NOL4: variants seen among roughly 807,000 people sequenced by gnomAD.
NOL4 encodes the protein nucleolar protein 4, also known as cancer/testis antigen 125.
A neutral mutation model predicts 75.9 loss-of-function variants in NOL4; 17 were observed. The ratio of observed to expected loss-of-function variants is 0.22; its 90% CI spans 0.15 to 0.34. The LOEUF (loss-of-function observed/expected upper bound fraction) is 0.34, where lower values mean the gene tolerates loss of function less well. NOL4 is among the 10% of genes least tolerant of loss of function. NOL4 has a pLI of 1.00. For missense variants in NOL4, 614 were observed against 793.5 expected (o/e 0.77, Z 2.72); for synonymous variants, 292 against 289.9 (o/e 1.01, Z -0.07).
rs565371651 is a variant in NOL4 at position 34,155,678 on chromosome 18, A to G, written c.265-25658T>C. ...TAAATATAGAAAAGGTATGTAAAATATAGTATTATCATCTTATGAGACCAT... is the reference window on the plus strand; with the variant it reads ...TAAATATAGAAAAGGTATGTAAAATGTAGTATTATCATCTTATGAGACCAT... On this transcript the variant is annotated intron_variant, in intron 1 of 10. Transcript: ENST00000261592. 1.6e-3 allele frequency among the ~76,000 whole-genome samples: 244 copies of G among 152,174 alleles called. 2 individuals are homozygous for G. Among genetic ancestry groups the G allele is most frequent in the African/African-American group, 5.7e-3 (237 of 41,534 alleles).
intron 1 of NOL4, among the ~76,000 whole-genome samples, chr18:34,138,034 G>A (rs919605904): frequency 6.6e-6 from 1 of 152,070 alleles, no homozygotes; most frequent in Non-Finnish European, 1.5e-5. Flanking sequence ...AAGACATTAA[G>A]TTTCATGAAA....
At position 33,924,244 on chromosome 18, in the gene NOL4, C is replaced by A. The variant is rs570273928; in HGVS notation, c.1542+18821G>T. ...ATTGCTTTGTCAAAACTAATAGCTGCCTTCTTTTTCTCAGAACAGTGAAAG... is the reference window on the plus strand; with the variant it reads ...ATTGCTTTGTCAAAACTAATAGCTGACTTCTTTTTCTCAGAACAGTGAAAG... On this transcript the variant is annotated intron_variant, in intron 9 of 10. Transcript: ENST00000261592. 2.6e-5 allele frequency among the ~76,000 whole-genome samples: 4 copies of A among 152,260 alleles called. No individual in the cohort carries two copies. The East Asian group carries it at 5.8e-4, about 22-fold the overall frequency.
At chr18:33,859,189 A>C (rs2062975536) in intron 10 of NOL4, among the ~76,000 whole-genome samples, 1 of 151,934 alleles carries the variant, frequency 6.6e-6, no homozygotes, top group African/African-American at 2.4e-5. Flanking sequence ...TGGTTCATTA[A>C]CTTTATATTT....
At chr18:34,025,106 T>A (rs1774070140) in intron 5 of NOL4, among the ~76,000 whole-genome samples, 1 of 152,186 alleles carries the variant, frequency 6.6e-6, no homozygotes, top group Non-Finnish European at 1.5e-5. Flanking sequence ...TCTCATTTTA[T>A]AAAAATCTGG....
chr18:34,109,738 T>A (rs750260645), intron 2 of NOL4, among the ~76,000 whole-genome samples: 97 of 151,688 alleles, frequency 6.4e-4, no homozygotes, highest in Non-Finnish European at 1.1e-3. Context: ...ATTTATTTTT[T>A]GAAAAGATAT....
chr18:34,027,840 G>A (rs961491455), intron 5 of NOL4, among the ~76,000 whole-genome samples: 1 of 152,088 alleles, frequency 6.6e-6, no homozygotes, highest in Non-Finnish European at 1.5e-5. Context: ...ATAGTAAGAG[G>A]ATAGCCAAGA....
At chr18:34,104,753 A>C (rs1380753148) in intron 3 of NOL4, among the ~76,000 whole-genome samples, 1 of 152,084 alleles carries the variant, frequency 6.6e-6, no homozygotes, top group Non-Finnish European at 1.5e-5. Flanking sequence ...GATAGAAACC[A>C]ATTTCCTTGC....
At chr18:34,077,544 C>T (rs960890608) in intron 5 of NOL4, among the ~76,000 whole-genome samples, 2 of 151,780 alleles carry the variant, frequency 1.3e-5, no homozygotes, top group African/African-American at 4.8e-5. Context: ...CACAAAGCAC[C>T]TAACGATTAA....
chr18:34,174,531 C>T (rs1012131020), intron 1 of NOL4, among the ~76,000 whole-genome samples: 5 of 151,440 alleles, frequency 3.3e-5, no homozygotes, highest in African/African-American at 1.2e-4. Context: ...ATTTTTTTTC[C>T]TTTTTTTATT....
At position 33,958,413 on chromosome 18, in the gene NOL4, A is replaced by G; in HGVS notation, c.1062T>C (p.Pro354=). Residue 354 remains proline, a synonymous_variant, in exon 7 of 11, where the codon CCT becomes CCC. Transcript: ENST00000261592. The stretch of plus-strand genomic sequence containing the variant: ...AGTCATAGCTGGAGTAACTATGTGC[A>G]GGAGACTGAAAAGAGAAGGTGAAAT... ...REARENGSKS[P]AHSYSSYDSG... is the part of the protein sequence containing the mutation. 1.2e-6 allele frequency: 2 copies of G among 1,603,834 alleles called. No homozygotes were observed. The highest frequency in any genetic ancestry group is 1.7e-6 in the Non-Finnish European group (2 of 1,174,686).
chr18:33,922,033 G>T (rs190096997), intron 9 of NOL4, among the ~76,000 whole-genome samples: 6 of 152,300 alleles, frequency 3.9e-5, no homozygotes, highest in East Asian at 3.9e-4. Flanking sequence ...GGGGAAGATG[G>T]AAGGCTGGAG....
chr18:33,882,806 C>T (rs1429345134), intron 10 of NOL4, among the ~76,000 whole-genome samples: 1 of 151,880 alleles, frequency 6.6e-6, no homozygotes, highest in Admixed American at 6.6e-5. Context: ...GGAACCAACC[C>T]AAATGTCCAA....
chr18:33,975,532 G>T (rs1316751208), intron 6 of NOL4, among the ~76,000 whole-genome samples: 1 of 152,158 alleles, frequency 6.6e-6, no homozygotes, highest in African/African-American at 2.4e-5. Flanking sequence ...CCAGCACTTT[G>T]GGAGGCCAAG....
intron 1 of NOL4, among the ~76,000 whole-genome samples, chr18:34,217,317 C>G (rs1240578814): frequency 6.6e-6 from 1 of 151,856 alleles, no homozygotes; most frequent in Non-Finnish European, 1.5e-5. Flanking sequence ...TGGAGTCTCA[C>G]TCTGTTGCCC....
intron 5 of NOL4, among the ~76,000 whole-genome samples, chr18:34,073,466 T>C: frequency 6.6e-6 from 1 of 152,058 alleles, no homozygotes; most frequent in East Asian, 1.9e-4. Context: ...CAGTATACTT[T>C]AAATCATCTC....
At chr18:33,906,713 CATT>C (rs938009293) in intron 9 of NOL4, among the ~76,000 whole-genome samples, 8 of 152,002 alleles carry the variant, frequency 5.3e-5, no homozygotes, top group Non-Finnish European at 1.0e-4. Flanking sequence ...ACTTTTAAAA[CATT>C]GTTGTGTGAA....
At position 34,167,532 on chromosome 18, in the gene NOL4, T is replaced by TTAGATAGATAGATAGATAGATAGA. The variant is rs71159861; in HGVS notation, c.265-37536_265-37513dup. Among the ~76,000 whole-genome samples, 758 of 149,986 alleles carry TTAGATAGATAGATAGATAGATAGA rather than the reference T, an allele frequency of 5.1e-3. 2 individuals carry two copies. Among genetic ancestry groups the TTAGATAGATAGATAGATAGATAGA allele is most frequent in the Middle Eastern group, 6.9e-3 (2 of 290 alleles). On this transcript the variant is annotated intron_variant, in intron 1 of 10. Transcript: ENST00000261592. ...AATCTGAGACTGTTTCCTCAAATAA[T>TTAGATAGATAGATAGATAGATAGA]TAGATAGATAGATAGATAGATAGAT... is the stretch of plus-strand genomic sequence containing the variant.
At chr18:33,949,772 C>A (rs2145645061) in intron 8 of NOL4, among the ~76,000 whole-genome samples, 1 of 152,078 alleles carries the variant, frequency 6.6e-6, no homozygotes, top group Admixed American at 6.6e-5. Context: ...TGATCTATGT[C>A]TTGGCCTTAT....
chr18:33,983,398 A>C (rs536332343), intron 6 of NOL4, among the ~76,000 whole-genome samples: 2 of 152,054 alleles, frequency 1.3e-5, no homozygotes, highest in Non-Finnish European at 2.9e-5. Context: ...CTGGTGAGGG[A>C]TGTTGATAGT....
Sources: allele counts gnomAD v4.1 joint callset (sites outside exome capture counted in the v4.1 genomes callset), GRCh38; gene constraint gnomAD v4.1.1; transcripts MANE v1.5; gene names NCBI Gene and HGNC (gene_info 2026-07-23, HGNC 2026-07-21).